The following AMER2 variants were observed in gnomAD, a reference collection of about 807,000 sequenced individuals.
The protein encoded by AMER2 is APC membrane recruitment protein 2.
In AMER2, 1 loss-of-function variant was observed where a neutral mutation model predicts 4.7. The observed-to-expected ratio is 0.21, with a 90% CI of 0.07 to 1.00. The LOEUF (loss-of-function observed/expected upper bound fraction) is 1.00, where lower values mean the gene tolerates loss of function less well. Among genes scored for constraint, AMER2 ranks in the 50% least tolerant of loss-of-function variants. AMER2 has a pLI of 0.60. For missense variants in AMER2, 988 were observed against 966.9 expected (o/e 1.02, Z -0.29); for synonymous variants, 485 against 433.3 (o/e 1.12, Z -1.48).
chr13:25,170,949 A>G lies in AMER2; in HGVS notation c.671T>C (p.Leu224Ser). Residue 224 changes from leucine (L) to serine (S), a missense_variant, in exon 1 of 1, where the codon TTG (leucine) becomes TCG (serine). Leu to Ser is a moderately radical substitution (Grantham distance 145). Coordinates refer to ENST00000515384, the MANE Select transcript of AMER2 (RefSeq NM_152704.4). This position sits in a 1 kb window ranked among gnomAD's most constrained non-coding sequence, Gnocchi z 7.3. ...GGCGGTGAGCGAGCCGGGTAGGATC[A>G]AGCCGCCCCCGGGCGCGCGCCCCTC... ...AAEGRAPGGG[L>S]ILPGSLTASL... 1 of 1,530,436 alleles carries G rather than the reference A, an allele frequency of 6.5e-7. No homozygotes were observed. Among genetic ancestry groups the G allele is most frequent in the Non-Finnish European group, 8.7e-7 (1 of 1,143,492 alleles). The allele number at this position is 1,530,436 out of a possible 1,614,324, so 94.8% of individuals were successfully genotyped here. A position where few individuals can be genotyped will look rare whatever the true frequency, so the allele number is the denominator to read the frequency against.
In AMER2 at chr13:25,164,410, A is replaced by G. The variant is rs1956452087; in HGVS notation, c.*5194T>C. The G allele has an allele frequency of 6.6e-6, 1 of 151,592 alleles. No individual in the cohort carries two copies. Among genetic ancestry groups the G allele is most frequent in the Non-Finnish European group, 1.5e-5 (1 of 67,964 alleles). 9.4% of individuals were successfully genotyped at this position (151,592 alleles called of 1,614,324 possible). On this transcript the variant is annotated 3_prime_UTR_variant, in exon 1 of 1. Transcript: ENST00000515384. ...AGCACAGTGGCAGGGTTCCCTGTATATGATTGTGAGCACCATCATCTCAGA... is the reference window on the plus strand; with the variant it reads ...AGCACAGTGGCAGGGTTCCCTGTATGTGATTGTGAGCACCATCATCTCAGA...
chr13:25,169,725 C>G lies in AMER2; in HGVS notation c.1895G>C (p.Ser632Thr). ...CGGGATTTTTGTTCTGGGCATCTCA[C>G]TCCTGGAGGGTTGCTGGTGCACCAC... is the stretch of plus-strand genomic sequence containing the variant. ...HPVVHQQPSRSEMPRTKIPVS... is the reference protein window; with the variant it reads ...HPVVHQQPSRTEMPRTKIPVS... Residue 632 changes from serine to threonine, a missense_variant, in exon 1 of 1, where the codon AGT (serine) becomes ACT (threonine). By Grantham distance (58) the Ser-to-Thr change is moderately conservative (BLOSUM62 1). Transcript: ENST00000515384. The surrounding 1 kb of genome is among the most constrained non-coding windows in gnomAD (Gnocchi z 4.2). 1 of 1,614,184 alleles carries G rather than the reference C, an allele frequency of 6.2e-7. No individual in the cohort carries two copies. Among genetic ancestry groups the G allele is most frequent in the Non-Finnish European group, 8.5e-7 (1 of 1,180,030 alleles).
rs1448852317 is a variant in AMER2 at position 25,163,264 on chromosome 13, C to CA, written c.*6339dup. 1 of 152,064 alleles carries CA rather than the reference C, an allele frequency of 6.6e-6. No individual in the cohort carries two copies. Among genetic ancestry groups the CA allele is most frequent in the East Asian group, 1.9e-4 (1 of 5,194 alleles). 9.4% of individuals were successfully genotyped at this position (152,064 alleles called of 1,614,324 possible). On this transcript the variant is annotated 3_prime_UTR_variant, in exon 1 of 1. Transcript: ENST00000515384. ...TGTGGAAAGCAGCACAGAAGTTTCT[C>CA]AAAAAATTAAAAATAATTCTATGTT... is the stretch of plus-strand genomic sequence containing the variant.
chr13:25,170,325 T>C lies in AMER2; in HGVS notation c.1295A>G (p.Asp432Gly). The C allele has an allele frequency of 6.2e-7, 1 of 1,613,978 alleles. No individual in the cohort carries two copies. Among genetic ancestry groups the C allele is most frequent in the Non-Finnish European group, 8.5e-7 (1 of 1,180,014 alleles). ...GEEMASPDEV[D>G]DTYLQEFWDM... Reference sequence around the variant, plus strand: ...CCAGAACTCCTGTAGATAGGTGTCGTCCACCTCGTCCGGGCTGGCCATCTC... The same window carrying C: ...CCAGAACTCCTGTAGATAGGTGTCGCCCACCTCGTCCGGGCTGGCCATCTC... The change falls in exon 1 of 1, where the codon GAC becomes GGC. Residue 432 changes from aspartate to glycine, a missense_variant. Transcript: ENST00000515384. The surrounding 1 kb of genome is among the most constrained non-coding windows in gnomAD (Gnocchi z 7.3).
chr13:25,162,296 G>A lies in AMER2; in HGVS notation c.*7308C>T, dbSNP rs1281341127. On this transcript the variant is annotated 3_prime_UTR_variant, in exon 1 of 1. Transcript: ENST00000515384. ...GATACTTTATATAAATAACGTGGGC[G>A]AAACCTGAAGTTCACAATGAGCCTG... 2.0e-5 allele frequency: 3 copies of A among 152,030 alleles called. No individual in the cohort carries two copies. Among genetic ancestry groups the A allele is most frequent in the Non-Finnish European group, 4.4e-5 (3 of 67,990 alleles). The allele number at this position is 152,030 out of a possible 1,614,324, so 9.4% of individuals were successfully genotyped here. A position where few individuals can be genotyped will look rare whatever the true frequency, so the allele number is the denominator to read the frequency against.
rs374710443 is a variant in AMER2, at chr13:25,171,317, C to T, written c.303G>A (p.Val101=). 20 of 1,608,172 alleles carry T rather than the reference C, an allele frequency of 1.2e-5. No homozygotes were observed. The African/African-American group carries it at 1.9e-4, about 15-fold the overall frequency. The change falls in exon 1 of 1, where the codon GTG becomes GTA. Residue 101 remains valine (V), a synonymous_variant. Transcript: ENST00000515384. The surrounding 1 kb of genome is among the most constrained non-coding windows in gnomAD (Gnocchi z 5.9). Reference sequence around the variant, plus strand: ...CAAGTCCGTCGTGGGTCCTGCTCCTCACCAGCCCCGTCGGACCCGAGCTTT... The same window carrying T: ...CAAGTCCGTCGTGGGTCCTGCTCCTTACCAGCCCCGTCGGACCCGAGCTTT... ...DGKSSGPTGL[V]RSRTHDGLAE... is the part of the protein sequence containing the mutation.
Position 25,171,910 on chromosome 13 carries a change from C to A in AMER2, c.-291G>T. ...AATTCAAATTCCCTCAACTCTCACC[C>A]ACCTTCGGATTCCTTCTCTAGACTC... is the stretch of plus-strand genomic sequence containing the variant. On this transcript the variant is annotated 5_prime_UTR_variant, in exon 1 of 1. Coordinates refer to ENST00000515384, the MANE Select transcript of AMER2 (RefSeq NM_152704.4). The surrounding 1 kb of genome is among the most constrained non-coding windows in gnomAD (Gnocchi z 5.9). The A allele has an allele frequency of 2.3e-6, 1 of 432,540 alleles. No homozygotes were observed. 26.8% of individuals were successfully genotyped at this position (432,540 alleles called of 1,614,324 possible).
chr13:25,164,552 T>G lies in AMER2; in HGVS notation c.*5052A>C, dbSNP rs1442498405. ...TTACTGAAAATCACTAAAGAGTTTA[T>G]ATCCCTGTCCTAGAGACTAGGGGAA... On this transcript the variant is annotated 3_prime_UTR_variant, in exon 1 of 1. Coordinates refer to ENST00000515384, the MANE Select transcript of AMER2 (RefSeq NM_152704.4). 1 of 150,156 alleles carries G rather than the reference T, an allele frequency of 6.7e-6. No individual in the cohort carries two copies. Among genetic ancestry groups the G allele is most frequent in the Admixed American group, 6.7e-5 (1 of 14,894 alleles). 9.3% of individuals were successfully genotyped at this position (150,156 alleles called of 1,614,324 possible).
In AMER2 at chr13:25,171,391, C is replaced by T. The variant is rs138062625; in HGVS notation, c.229G>A (p.Gly77Ser). Reference protein sequence around the residue: ...AFKLFKKRKSGGTMPSIFGVK... With the variant: ...AFKLFKKRKSSGTMPSIFGVK... ...CCAAAAATGCTGGGCATGGTGCCAC[C>T]CGATTTCCTCTTCTTGAATAATTTG... Residue 77 changes from glycine to serine, a missense_variant, in exon 1 of 1, where the codon GGT becomes AGT. Coordinates refer to ENST00000515384, the MANE Select transcript of AMER2 (RefSeq NM_152704.4). This position sits in a 1 kb window ranked among gnomAD's most constrained non-coding sequence, Gnocchi z 5.9. 1 of 1,613,002 alleles carries T rather than the reference C, an allele frequency of 6.2e-7. No individual in the cohort carries two copies. Among genetic ancestry groups the T allele is most frequent in the Non-Finnish European group, 8.5e-7 (1 of 1,179,672 alleles).
rs28570565 is a variant in AMER2, at chr13:25,170,632, C to T, written c.988G>A (p.Val330Ile). 1 of 1,559,944 alleles carries T rather than the reference C, an allele frequency of 6.4e-7. No homozygotes were observed. The highest frequency in any genetic ancestry group is 8.7e-7 in the Non-Finnish European group (1 of 1,151,630). Residue 330 changes from valine (V) to isoleucine (I), a missense_variant, in exon 1 of 1, where the codon GTC (valine) becomes ATC (isoleucine). Transcript: ENST00000515384. This position sits in a 1 kb window ranked among gnomAD's most constrained non-coding sequence, Gnocchi z 7.3. The stretch of plus-strand genomic sequence containing the variant: ...CCGCCTTCGGAGTCGACAAGGGGGA[C>T]CGTCTTTACGGGAACGGCCCCCGTC... ...SRTGAVPVKTVPLVDSEGGSG... is the reference protein window; with the variant it reads ...SRTGAVPVKTIPLVDSEGGSG...
rs1454026614 is a variant in AMER2 at position 25,163,366 on chromosome 13, T to TA, written c.*6237dup. On this transcript the variant is annotated 3_prime_UTR_variant, in exon 1 of 1. Transcript: ENST00000515384. Reference sequence around the variant, plus strand: ...TTCAAAAAAACTGAAATCAGGATCTTAAAGAGATATTTTCACTCCCTCGTT... The same window carrying TA: ...TTCAAAAAAACTGAAATCAGGATCTTAAAAGAGATATTTTCACTCCCTCGTT... 1.3e-5 allele frequency: 2 copies of TA among 152,162 alleles called. No individual in the cohort carries two copies. Among genetic ancestry groups the TA allele is most frequent in the African/African-American group, 4.8e-5 (2 of 41,430 alleles). 9.4% of individuals were successfully genotyped at this position (152,162 alleles called of 1,614,324 possible).
chr13:25,169,112 T>C lies in AMER2; in HGVS notation c.*492A>G, dbSNP rs924988335. ...AGGGTTTTGTTTTTGTTTTTGTTTT[T>C]TTTTAACTGGAAAGGAAAGAGGAAA... On this transcript the variant is annotated 3_prime_UTR_variant, in exon 1 of 1. Coordinates refer to ENST00000515384, the MANE Select transcript of AMER2 (RefSeq NM_152704.4). This position sits in a 1 kb window ranked among gnomAD's most constrained non-coding sequence, Gnocchi z 4.2. 1 of 152,904 alleles carries C rather than the reference T, an allele frequency of 6.5e-6. No homozygotes were observed. Among genetic ancestry groups the C allele is most frequent in the Non-Finnish European group, 1.5e-5 (1 of 68,278 alleles). 9.5% of individuals were successfully genotyped at this position (152,904 alleles called of 1,614,324 possible). A position where few individuals can be genotyped will look rare whatever the true frequency, so the allele number is the denominator to read the frequency against.
In AMER2 at chr13:25,170,173, TGGCCGCTTCCACA is replaced by T; in HGVS notation, c.1434_1446del (p.Cys478Ter). On this transcript the variant is annotated frameshift_variant, in exon 1 of 1. Coordinates refer to ENST00000515384, the MANE Select transcript of AMER2 (RefSeq NM_152704.4). LOFTEE classifies it low-confidence loss of function (END_TRUNC). The surrounding 1 kb of genome is among the most constrained non-coding windows in gnomAD (Gnocchi z 7.3). ...CTGCGCTTGACCGAGGACGCGTCCT[TGGCCGCTTCCACA>T]CACCTGGTGTCTTTGGGGGTCTCGG... 6.2e-7 allele frequency: 1 copy of T among 1,613,658 alleles called. No homozygotes were observed. Among genetic ancestry groups the T allele is most frequent in the Non-Finnish European group, 8.5e-7 (1 of 1,179,826 alleles).
In AMER2 at chr13:25,170,420, G is replaced by A. The variant is rs752829228; in HGVS notation, c.1200C>T (p.Val400=). 3.8e-5 allele frequency: 61 copies of A among 1,614,048 alleles called. 3 individuals are homozygous for A. In the Admixed American group the frequency reaches 7.7e-4, roughly 20 times the overall value. Residue 400 remains valine (V), a synonymous_variant, in exon 1 of 1, where the codon GTC becomes GTT. Transcript: ENST00000515384. This position sits in a 1 kb window ranked among gnomAD's most constrained non-coding sequence, Gnocchi z 7.3. ...ACAGAGCCGGCTTGCCTGGCCCGGG[G>A]ACATGCTTGTCACAGCTGGGACCTG... ...EEAGPSCDKH[V]PGPGKPALSK... is the part of the protein sequence containing the mutation.
At position 25,169,887 on chromosome 13, in the gene AMER2, G is replaced by C; in HGVS notation, c.1733C>G (p.Thr578Arg). 1 of 1,614,154 alleles carries C rather than the reference G, an allele frequency of 6.2e-7. No individual in the cohort carries two copies. The highest frequency in any genetic ancestry group is 8.5e-7 in the Non-Finnish European group (1 of 1,180,020). ...TLPGGKDNEETSSLSRLKPVS... is the reference protein window; with the variant it reads ...TLPGGKDNEERSSLSRLKPVS... ...GGGCTTTAACCGGGACAGGGAGGAC[G>C]TCTCCTCGTTGTCCTTCCCTCCAGG... Residue 578 changes from threonine (T) to arginine (R), a missense_variant, in exon 1 of 1, where the codon ACG (threonine) becomes AGG (arginine). By Grantham distance (71) the Thr-to-Arg change is moderately conservative. Coordinates refer to ENST00000515384, the MANE Select transcript of AMER2 (RefSeq NM_152704.4). The surrounding 1 kb of genome is among the most constrained non-coding windows in gnomAD (Gnocchi z 4.2).
chr13:25,164,756 ACC>A lies in AMER2; in HGVS notation c.*4846_*4847del, dbSNP rs1956457649. 1 of 152,024 alleles carries A rather than the reference ACC, an allele frequency of 6.6e-6. No individual in the cohort carries two copies. The highest frequency in any genetic ancestry group is 1.5e-5 in the Non-Finnish European group (1 of 68,006). The allele number at this position is 152,024 out of a possible 1,614,324, so 9.4% of individuals were successfully genotyped here. On this transcript the variant is annotated 3_prime_UTR_variant, in exon 1 of 1. Transcript: ENST00000515384. ...CATAGTAAGTATTCAATGAATGTTA[ACC>A]ATTGTTACATTTACTATTTTTTAGA... is the stretch of plus-strand genomic sequence containing the variant.
In AMER2 at chr13:25,167,591, A is replaced by G. The variant is rs1273509150; in HGVS notation, c.*2013T>C. 1 of 152,190 alleles carries G rather than the reference A, an allele frequency of 6.6e-6. No individual in the cohort carries two copies. The highest frequency in any genetic ancestry group is 1.5e-5 in the Non-Finnish European group (1 of 68,004). The allele number at this position is 152,190 out of a possible 1,614,324, so 9.4% of individuals were successfully genotyped here. A position where few individuals can be genotyped will look rare whatever the true frequency, so the allele number is the denominator to read the frequency against. Reference sequence around the variant, plus strand: ...TGTGTTCAGAATGCTTAAGGCTATGACTGCATATAGGGCCTCATTTACACA... The same window carrying G: ...TGTGTTCAGAATGCTTAAGGCTATGGCTGCATATAGGGCCTCATTTACACA... On this transcript the variant is annotated 3_prime_UTR_variant, in exon 1 of 1. Coordinates refer to ENST00000515384, the MANE Select transcript of AMER2 (RefSeq NM_152704.4).
chr13:25,170,570 A>G lies in AMER2; in HGVS notation c.1050T>C (p.Ser350=). 1 of 1,610,584 alleles carries G rather than the reference A, an allele frequency of 6.2e-7. No individual in the cohort carries two copies. Among genetic ancestry groups the G allele is most frequent in the Non-Finnish European group, 8.5e-7 (1 of 1,178,168 alleles). The change falls in exon 1 of 1, where the codon TCT becomes TCC. Residue 350 remains serine, a synonymous_variant. Transcript: ENST00000515384. The surrounding 1 kb of genome is among the most constrained non-coding windows in gnomAD (Gnocchi z 7.3). ...CCGACGGGTCTGAGGGTGGATCGAC[A>G]GAGGCAGGGTCTGGGGCGGCGGGCG... The part of the protein sequence containing the change: ...GRAPAAPDPA[S]VDPPSDPSAD...
rs1294661396 is a variant in AMER2, at chr13:25,171,385, T to G, written c.235A>C (p.Thr79Pro). ...TTGACCCCAAAAATGCTGGGCATGG[T>G]GCCACCCGATTTCCTCTTCTTGAAT... The part of the protein sequence containing the change: ...KLFKKRKSGG[T>P]MPSIFGVKNK... Residue 79 changes from threonine (T) to proline (P), a missense_variant, in exon 1 of 1, where the codon ACC (threonine) becomes CCC (proline). By Grantham distance (38) the Thr-to-Pro change is conservative (BLOSUM62 -1). Coordinates refer to ENST00000515384, the MANE Select transcript of AMER2 (RefSeq NM_152704.4). This position sits in a 1 kb window ranked among gnomAD's most constrained non-coding sequence, Gnocchi z 5.9. 1 of 1,613,078 alleles carries G rather than the reference T, an allele frequency of 6.2e-7. No homozygotes were observed. Among genetic ancestry groups the G allele is most frequent in the Non-Finnish European group, 8.5e-7 (1 of 1,179,662 alleles).
Sources: gnomAD v4.1 joint callset for allele counts on GRCh38, gnomAD v4.1.1 for gene constraint, Gnocchi (gnomAD v3.1) non-coding constraint, MANE v1.5 for transcripts, NCBI Gene and HGNC (gene_info 2026-07-23, HGNC 2026-07-21) for gene names.